NTRK3: variants seen among roughly 807,000 people sequenced by gnomAD.
The protein encoded by NTRK3 is neurotrophic receptor tyrosine kinase 3.
In NTRK3, 24 loss-of-function variants were observed where a neutral mutation model predicts 91.7. The observed-to-expected ratio is 0.26, with a 90% CI of 0.19 to 0.37. The LOEUF is 0.37. Among genes scored for constraint, NTRK3 ranks in the 10% least tolerant of loss-of-function variants. The probability of loss-of-function intolerance (pLI) is 1.00; values close to 1 mark genes in which losing one functional copy is unlikely to be tolerated. For missense variants in NTRK3, 880 were observed against 1,068.9 expected (o/e 0.82, Z 2.46); for synonymous variants, 483 against 404.0 (o/e 1.20, Z -2.34).
At chr15:87,915,900 G>A (rs2067414524) in intron 17 of NTRK3, among the ~76,000 whole-genome samples, 1 of 152,070 alleles carries the variant, frequency 6.6e-6, no homozygotes, top group Non-Finnish European at 1.5e-5. Context: ...CTCAGCAGAA[G>A]CTCAGTGATT....
rs114297711 is a variant in NTRK3, at chr15:88,042,770, G to A, written c.1397-9725C>T. Among the ~76,000 whole-genome samples the A allele has an allele frequency of 1.9e-3, 284 of 152,260 alleles. 1 individual carries two copies. Among genetic ancestry groups the A allele is most frequent in the African/African-American group, 6.5e-3 (270 of 41,538 alleles). On this transcript the variant is annotated intron_variant, in intron 13 of 18. Transcript: ENST00000394480. ...TCCCTTAATCATCACCACAACCCTG[G>A]GGGTAGATCCTCTTATCCCCAGTGA...
intron 13 of NTRK3, among the ~76,000 whole-genome samples, chr15:88,075,653 G>A (rs1330465311): frequency 6.6e-6 from 1 of 152,124 alleles, no homozygotes; most frequent in Non-Finnish European, 1.5e-5. Flanking sequence ...CTCTCTCGAA[G>A]AGCATCCATG....
chr15:88,127,577 G>T (rs1312164161), intron 11 of NTRK3, among the ~76,000 whole-genome samples: 1 of 152,214 alleles, frequency 6.6e-6, no homozygotes, highest in East Asian at 1.9e-4. Flanking sequence ...TGGGATCCTG[G>T]CCAGGGTCTG....
rs968651296 is a variant in NTRK3 at position 88,140,293 on chromosome 15, T to C, written c.465-2732A>G. Among the ~76,000 whole-genome samples the C allele has an allele frequency of 3.9e-4, 59 of 152,294 alleles. No individual in the cohort carries two copies. The Middle Eastern group carries it at 0.01, about 26-fold the overall frequency. On this transcript the variant is annotated intron_variant, in intron 6 of 18. Transcript: ENST00000394480. ...TGCTTATAAACACAGGGTCAACACG[T>C]ACAGTTGTGTAGTTTGAGCATTTCT...
chr15:87,915,321 A>G (rs1410462061), intron 17 of NTRK3, among the ~76,000 whole-genome samples: 1 of 152,246 alleles, frequency 6.6e-6, no homozygotes, highest in South Asian at 2.1e-4. Flanking sequence ...GGACAGGTGC[A>G]TCACCCTAAG....
intron 3 of NTRK3, among the ~76,000 whole-genome samples, chr15:88,225,984 G>A (rs185187491): frequency 5.9e-5 from 9 of 152,312 alleles, no homozygotes; most frequent in Admixed American, 2.0e-4. Context: ...CTAAAGGGCC[G>A]AGGTGACAAG....
At chr15:88,110,473 C>G (rs2051218748) in intron 13 of NTRK3, among the ~76,000 whole-genome samples, 1 of 152,152 alleles carries the variant, frequency 6.6e-6, no homozygotes, top group African/African-American at 2.4e-5. Context: ...ACAGTAGTAA[C>G]AAAACTAGGG....
intron 14 of NTRK3, among the ~76,000 whole-genome samples, chr15:87,983,571 A>T (rs1263364838): frequency 2.6e-5 from 4 of 152,180 alleles, no homozygotes; most frequent in African/African-American, 9.7e-5. Context: ...CAAAAGGTGG[A>T]TAGTATTAAC....
exon 19 of NTRK3, chr15:87,875,668 G>C: frequency 4.3e-6 from 1 of 232,744 alleles, no homozygotes; most frequent in Non-Finnish European, 8.5e-6. Flanking sequence ...AATGCCAAGG[G>C]GCCTGGCACA....
intron 13 of NTRK3, among the ~76,000 whole-genome samples, chr15:88,052,345 C>T (rs140714651): frequency 3.5e-3 from 536 of 152,278 alleles, no homozygotes; most frequent in Middle Eastern, 0.01. Context: ...GAAGCTATGG[C>T]TCCAAGAGAT....
intron 13 of NTRK3, among the ~76,000 whole-genome samples, chr15:88,097,724 T>C (rs1054179419): frequency 3.9e-5 from 6 of 152,202 alleles, no homozygotes; most frequent in Admixed American, 1.3e-4. Context: ...AAAACGATGG[T>C]TATAATGATT....
At chr15:88,162,829 C>A (rs899095955) in intron 5 of NTRK3, among the ~76,000 whole-genome samples, 1 of 152,146 alleles carries the variant, frequency 6.6e-6, no homozygotes, top group Non-Finnish European at 1.5e-5. Context: ...GTACCTCCCA[C>A]CCAGCCTTTC....
In NTRK3 at chr15:88,214,870, G is replaced by A. The variant is rs150654996; in HGVS notation, c.249-30571C>T. On this transcript the variant is annotated intron_variant, in intron 3 of 18. Coordinates refer to ENST00000394480, the Ensembl canonical transcript of NTRK3. ...TGAGCCCCTGAAGTGCAGGGCTGTC[G>A]GGGCTCATCTTCATGCCCCAGTGCC... Among the ~76,000 whole-genome samples the A allele has an allele frequency of 3.0e-3, 461 of 152,260 alleles. 1 individual carries two copies. The highest frequency in any genetic ancestry group is 5.1e-3 in the Non-Finnish European group (345 of 68,018).
chr15:88,135,825 C>A (rs763573738), intron 9 of NTRK3, 74 bp downstream of exon 9: 1 of 1,581,318 alleles, frequency 6.3e-7, no homozygotes, highest in Non-Finnish European at 8.6e-7. Context: ...CCTGACAACA[C>A]CTTGGCCCCT....
intron 13 of NTRK3, among the ~76,000 whole-genome samples, chr15:88,115,588 A>G (rs2151013474): frequency 6.6e-6 from 1 of 152,332 alleles, no homozygotes; most frequent in African/African-American, 2.4e-5. Flanking sequence ...GGGCTGCTCC[A>G]GCACAGAGGC....
chr15:87,978,719 C>T (rs1043752138), intron 14 of NTRK3: 2 of 233,064 alleles, frequency 8.6e-6, no homozygotes, highest in Non-Finnish European at 1.7e-5. Context: ...ATTTTTCCAC[C>T]GAAAATAAAA....
At chr15:87,961,124 C>G (rs1422627798) in intron 14 of NTRK3, among the ~76,000 whole-genome samples, 1 of 152,182 alleles carries the variant, frequency 6.6e-6, no homozygotes, top group Non-Finnish European at 1.5e-5. Context: ...AGATGGGGTA[C>G]TCACTTATCT....
At chr15:87,939,156 T>A (rs1241515016) in intron 15 of NTRK3, among the ~76,000 whole-genome samples, 1 of 152,202 alleles carries the variant, frequency 6.6e-6, no homozygotes, top group Admixed American at 6.5e-5. Flanking sequence ...TTCTAGATAG[T>A]CATTGCAAGC....
chr15:88,049,530 T>C (rs1202945492), intron 13 of NTRK3, among the ~76,000 whole-genome samples: 2 of 152,182 alleles, frequency 1.3e-5, no homozygotes, highest in African/African-American at 4.8e-5. Context: ...GACACTGACC[T>C]AAGCATTTAA....
Sources: gnomAD v4.1 joint callset for allele counts (sites outside exome capture counted in the v4.1 genomes callset) on GRCh38, gnomAD v4.1.1 for gene constraint, MANE v1.5 for transcripts, NCBI Gene and HGNC (gene_info 2026-07-23, HGNC 2026-07-21) for gene names.